Variants in PLCH1 observed in about 807,000 individuals in gnomAD.
PLCH1 encodes the protein 1-phosphatidylinositol 4,5-bisphosphate phosphodiesterase eta-1.
In PLCH1, 60 loss-of-function variants were observed where a neutral mutation model predicts 126.7. The ratio of observed to expected loss-of-function variants is 0.47; its 90% CI spans 0.38 to 0.59. The LOEUF is 0.59. Among genes scored for constraint, PLCH1 ranks in the 20% least tolerant of loss-of-function variants. PLCH1 has a pLI of 0.00. For synonymous variants in PLCH1, 719 were observed against 734.9 expected (o/e 0.98, Z 0.35); for missense variants, 1,723 against 2,040.0 (o/e 0.84, Z 2.99).
chr3:155,539,301 C>A (rs1449152387), intron 10 of PLCH1, among the ~76,000 whole-genome samples: 1 of 152,152 alleles, frequency 6.6e-6, no homozygotes, highest in Non-Finnish European at 1.5e-5. Context: ...CAACATTATA[C>A]TGAACAGGGA....
chr3:155,667,160 G>T (rs1262103162), intron 2 of PLCH1, among the ~76,000 whole-genome samples: 9 of 152,124 alleles, frequency 5.9e-5, no homozygotes, highest in South Asian at 2.1e-4. Flanking sequence ...TTGACCAAGG[G>T]ATTAGCCAAA....
chr3:155,636,122 C>T (rs1239863433), intron 2 of PLCH1, among the ~76,000 whole-genome samples: 3 of 152,068 alleles, frequency 2.0e-5, no homozygotes, highest in Non-Finnish European at 4.4e-5. Context: ...CCCCAACTTC[C>T]CTCACATCTC....
chr3:155,624,833 A>T (rs1478943670), intron 2 of PLCH1, among the ~76,000 whole-genome samples: 1 of 152,200 alleles, frequency 6.6e-6, no homozygotes, highest in Non-Finnish European at 1.5e-5. Flanking sequence ...TAATTTATAG[A>T]TTCAATGCTC....
At chr3:155,699,066 A>T in intron 2 of PLCH1, among the ~76,000 whole-genome samples, 1 of 141,608 alleles carries the variant, frequency 7.1e-6, no homozygotes, top group South Asian at 2.3e-4. Flanking sequence ...TAATGATAAT[A>T]TTTTTAATCT....
intron 6 of PLCH1, 108 bp from the exon 7 acceptor site, chr3:155,568,432 C>G (rs1420859641): frequency 2.0e-6 from 1 of 507,982 alleles, no homozygotes; most frequent in African/African-American, 2.0e-5. Flanking sequence ...TACAAAGTAC[C>G]TAAATGAGCA....
chr3:155,461,041 TTGTAAGGACAGCAGTA>T (rs1712704844), intron 21 of PLCH1, among the ~76,000 whole-genome samples: 1 of 152,194 alleles, frequency 6.6e-6, no homozygotes, highest in African/African-American at 2.4e-5. Context: ...ACCTTTACAT[TTGTAAGGACAGCAGTA>T]AATCTTCACG....
chr3:155,466,505 T>G (rs923328444), intron 21 of PLCH1, among the ~76,000 whole-genome samples: 3 of 152,194 alleles, frequency 2.0e-5, no homozygotes, highest in African/African-American at 7.2e-5. Flanking sequence ...CTAGAAAACC[T>G]TTCCAAGAAG....
rs1253337905 is a variant in PLCH1 at position 155,514,855 on chromosome 3, T to C, written c.1500A>G (p.Glu500=). ...YSNGTTEHQV[E]SFIRKKLESL... is the part of the protein sequence containing the mutation. ...ACTCCAGTTTTTTCCTTATGAAAGA[T>C]TCCACCTGATGCTCAGTGGTCCCAT... is the stretch of plus-strand genomic sequence containing the variant. The change falls in exon 12 of 23, where the codon GAA becomes GAG. Residue 500 remains glutamate (E), a synonymous_variant. Transcript: ENST00000460012. 1 of 1,610,184 alleles carries C rather than the reference T, an allele frequency of 6.2e-7. No homozygotes were observed. The highest frequency in any genetic ancestry group is 2.2e-5 in the East Asian group (1 of 44,858).
intron 1 of PLCH1, among the ~76,000 whole-genome samples, chr3:155,719,236 A>T (rs1747757088): frequency 6.6e-6 from 1 of 152,152 alleles, no homozygotes; most frequent in African/African-American, 2.4e-5. Context: ...CTCAAAGCTT[A>T]GCTCCCACTA....
chr3:155,603,003 C>G (rs933194255), intron 2 of PLCH1, among the ~76,000 whole-genome samples: 2 of 151,384 alleles, frequency 1.3e-5, no homozygotes, highest in South Asian at 2.1e-4. Context: ...TACAAAAGAA[C>G]CTTGAGACAG....
chr3:155,711,950 A>T lies in PLCH1; in HGVS notation c.-40-7686T>A, dbSNP rs575950023. Among the ~76,000 whole-genome samples, 6 of 152,338 alleles carry T rather than the reference A, an allele frequency of 3.9e-5. No individual in the cohort carries two copies. In the South Asian group the frequency reaches 1.2e-3, roughly 32 times the overall value. ...GATTGGATCCAACCCAGAGAAATGG[A>T]AACAAACCAAGTCGTGGTAATATCA... On this transcript the variant is annotated intron_variant, in intron 1 of 22. Coordinates refer to ENST00000460012, the MANE Select transcript of PLCH1 (RefSeq NM_014996.4).
chr3:155,656,563 G>T (rs566702960), intron 2 of PLCH1, among the ~76,000 whole-genome samples: 35 of 152,226 alleles, frequency 2.3e-4, no homozygotes, highest in African/African-American at 5.8e-4. Context: ...ATTATCTTCA[G>T]AAATACTAAA....
chr3:155,486,949 G>A (rs963896160), intron 21 of PLCH1: 1 of 152,154 alleles, frequency 6.6e-6, no homozygotes, highest in African/African-American at 2.4e-5. Context: ...ATTTACATTT[G>A]TGTCTACTTA....
intron 10 of PLCH1, among the ~76,000 whole-genome samples, chr3:155,545,752 G>A (rs1228060560): frequency 6.6e-6 from 1 of 151,128 alleles, no homozygotes; most frequent in Non-Finnish European, 1.5e-5. Context: ...ATCAATAAAT[G>A]TAATCCAGCA....
intron 11 of PLCH1, among the ~76,000 whole-genome samples, chr3:155,521,017 G>A (rs1349592050): frequency 6.6e-6 from 1 of 152,128 alleles, no homozygotes; most frequent in Non-Finnish European, 1.5e-5. Context: ...TTGCGCTTGG[G>A]GTTCTTTCTG....
intron 12 of PLCH1, among the ~76,000 whole-genome samples, chr3:155,506,343 CTCTT>C (rs1718692793): frequency 7.7e-6 from 1 of 130,252 alleles, no homozygotes; most frequent in Non-Finnish European, 1.5e-5. Flanking sequence ...CATTCTCACT[CTCTT>C]TTTTTTTTTT....
intron 12 of PLCH1, among the ~76,000 whole-genome samples, chr3:155,512,903 T>C (rs778691682): frequency 1.3e-5 from 2 of 152,146 alleles, no homozygotes; most frequent in Admixed American, 6.5e-5. Context: ...TAGGAACTTG[T>C]TAAGGTTATT....
At position 155,682,729 on chromosome 3, in the gene PLCH1, C is replaced by T. The variant is rs547431438; in HGVS notation, c.79+21417G>A. On this transcript the variant is annotated intron_variant, in intron 2 of 22. Coordinates refer to ENST00000460012, the MANE Select transcript of PLCH1 (RefSeq NM_014996.4). ...TAATCCAAACACAGTGCTCTTTCCC[C>T]ACACCAGGCAAACATGCTTAAAATA... is the stretch of plus-strand genomic sequence containing the variant. Among the ~76,000 whole-genome samples, 13 of 152,288 alleles carry T rather than the reference C, an allele frequency of 8.5e-5. No homozygotes were observed. In the South Asian group the frequency reaches 1.9e-3, roughly 22 times the overall value.
At chr3:155,624,385 T>A (rs1577173709) in intron 2 of PLCH1, among the ~76,000 whole-genome samples, 1 of 152,286 alleles carries the variant, frequency 6.6e-6, no homozygotes, top group South Asian at 2.1e-4. Flanking sequence ...AACATAGTAT[T>A]GGAAGTTCTG....
Sources: gnomAD v4.1 joint callset for allele counts (sites outside exome capture counted in the v4.1 genomes callset) on GRCh38, gnomAD v4.1.1 for gene constraint, MANE v1.5 for transcripts, NCBI Gene and HGNC (gene_info 2026-07-23, HGNC 2026-07-21) for gene names.